METTL15: variants seen among roughly 807,000 people sequenced by gnomAD.
The protein encoded by METTL15 is 12S rRNA N(4)-cytidine methyltransferase METTL15.
In METTL15, 34 loss-of-function variants were observed where a neutral mutation model predicts 38.3. The observed-to-expected ratio is 0.89, with a 90% CI of 0.68 to 1.18. The LOEUF (loss-of-function observed/expected upper bound fraction) is 1.18, where lower values mean the gene tolerates loss of function less well. METTL15 is among the 50% of genes most tolerant of loss of function. The pLI, the probability that METTL15 is intolerant of heterozygous loss-of-function variation, is 0.00. For missense variants in METTL15, 438 were observed against 498.4 expected (o/e 0.88, Z 1.15); for synonymous variants, 162 against 170.9 (o/e 0.95, Z 0.41).
intron 4 of METTL15, among the ~76,000 whole-genome samples, chr11:28,212,926 G>C (rs1414356563): frequency 6.6e-6 from 1 of 152,074 alleles, no homozygotes; most frequent in East Asian, 1.9e-4. Flanking sequence ...CTCAAATGTA[G>C]CTTAAAGTTT....
chr11:28,170,400 G>A (rs1033781317), intron 3 of METTL15, among the ~76,000 whole-genome samples: 24 of 152,124 alleles, frequency 1.6e-4, no homozygotes, highest in African/African-American at 5.8e-4. Flanking sequence ...GACCCCAAGA[G>A]AGGGTTCTTG....
At chr11:28,165,340 C>CT (rs1246784964) in intron 3 of METTL15, among the ~76,000 whole-genome samples, 5 of 152,020 alleles carry the variant, frequency 3.3e-5, no homozygotes, top group Non-Finnish European at 5.9e-5. Context: ...CTCGAAAACA[C>CT]TTGTGTTATT....
At chr11:28,278,399 T>C (rs1048575624) in intron 4 of METTL15, among the ~76,000 whole-genome samples, 1 of 152,216 alleles carries the variant, frequency 6.6e-6, no homozygotes, top group African/African-American at 2.4e-5. Flanking sequence ...TTCTTATTCA[T>C]TTTCTAATCT....
intron 5 of METTL15, among the ~76,000 whole-genome samples, chr11:28,397,073 T>A (rs1034982723): frequency 6.6e-6 from 1 of 151,958 alleles, no homozygotes; most frequent in Non-Finnish European, 1.5e-5. Context: ...TTCCTTACAC[T>A]TTATACAAAA....
chr11:28,139,306 A>G (rs1358273791), intron 3 of METTL15, among the ~76,000 whole-genome samples: 3 of 152,152 alleles, frequency 2.0e-5, no homozygotes, highest in Non-Finnish European at 4.4e-5. Flanking sequence ...AGAGAAATAC[A>G]GACTGAAGAT....
downstream of METTL15, among the ~76,000 whole-genome samples, chr11:28,530,392 A>C (rs1851837796): frequency 6.6e-6 from 1 of 152,162 alleles, no homozygotes; most frequent in African/African-American, 2.4e-5. Flanking sequence ...AATGCAGAGT[A>C]TCTGGTTATT....
intron 4 of METTL15, among the ~76,000 whole-genome samples, chr11:28,285,378 A>G (rs1194698287): frequency 7.1e-6 from 1 of 139,990 alleles, no homozygotes; most frequent in Non-Finnish European, 1.5e-5. Context: ...TTTTTTTTTT[A>G]GCTCATTAGT....
At chr11:28,305,203 G>A (rs1376802601) in intron 6 of METTL15, among the ~76,000 whole-genome samples, 1 of 152,006 alleles carries the variant, frequency 6.6e-6, no homozygotes, top group African/African-American at 2.4e-5. Context: ...AGAAGGGAAT[G>A]GAATGTGGAA....
At chr11:28,380,583 TTTTC>T (rs1259015313) in intron 5 of METTL15, among the ~76,000 whole-genome samples, 1 of 152,198 alleles carries the variant, frequency 6.6e-6, no homozygotes, top group Admixed American at 6.6e-5. Context: ...TGGATAAGTA[TTTTC>T]TCTAGCAGCA....
chr11:28,271,027 G>T (rs1855619190), intron 4 of METTL15, among the ~76,000 whole-genome samples: 1 of 152,080 alleles, frequency 6.6e-6, no homozygotes, highest in Non-Finnish European at 1.5e-5. Context: ...CACATAGTAA[G>T]GGTTCAATAA....
At chr11:28,425,569 C>T (rs1432288191) in intron 6 of METTL15, among the ~76,000 whole-genome samples, 2 of 152,094 alleles carry the variant, frequency 1.3e-5, no homozygotes, top group Non-Finnish European at 2.9e-5. Flanking sequence ...CTTTTATGAC[C>T]TCTAATCGTT....
intron 3 of METTL15, among the ~76,000 whole-genome samples, chr11:28,119,820 A>G (rs1852134051): frequency 6.6e-6 from 1 of 152,196 alleles, no homozygotes; most frequent in Admixed American, 6.5e-5. Context: ...AGAGAAAAAT[A>G]CTAAAACTGT....
chr11:28,298,418 C>T (rs117834409), intron 6 of METTL15, among the ~76,000 whole-genome samples: 1,597 of 152,146 alleles, frequency 0.01, 17 homozygotes, highest in Middle Eastern at 0.017. Flanking sequence ...CAGCAAACCT[C>T]ATCTGATTAC....
At chr11:28,115,935 T>TACACACACACACACACACACACATAC (rs1851930698) in intron 3 of METTL15, among the ~76,000 whole-genome samples, 1 of 142,356 alleles carries the variant, frequency 7.0e-6, no homozygotes, top group Non-Finnish European at 1.5e-5. Context: ...CACATACACA[T>TACACACACACACACACACACACATAC]ACACACACAC....
intron 6 of METTL15, among the ~76,000 whole-genome samples, chr11:28,523,440 A>G (rs191946874): frequency 3.6e-4 from 55 of 152,350 alleles, no homozygotes; most frequent in Admixed American, 2.7e-3. Context: ...AAATGGCAGA[A>G]CGACATATTG....
chr11:28,196,473 A>G (rs953719627), intron 3 of METTL15, among the ~76,000 whole-genome samples: 2 of 151,888 alleles, frequency 1.3e-5, no homozygotes, highest in Non-Finnish European at 2.9e-5. Flanking sequence ...GCTCTTGTAA[A>G]AGGGATTGAG....
At chr11:28,395,604 A>G (rs187832427) in intron 5 of METTL15, among the ~76,000 whole-genome samples, 12 of 152,156 alleles carry the variant, frequency 7.9e-5, no homozygotes, top group African/African-American at 1.7e-4. Context: ...AATAGAGGCA[A>G]TAGCCTACCA....
intron 4 of METTL15, among the ~76,000 whole-genome samples, chr11:28,217,719 T>C (rs1223942145): frequency 3.9e-5 from 6 of 152,190 alleles, no homozygotes; most frequent in Admixed American, 3.9e-4. Flanking sequence ...TTAATCCATT[T>C]GGAATTAATT....
chr11:28,259,133 C>T (rs1490414681), intron 4 of METTL15, among the ~76,000 whole-genome samples: 2 of 152,020 alleles, frequency 1.3e-5, no homozygotes, highest in African/African-American at 2.4e-5. Context: ...CCTAAGGCAG[C>T]GGGTTCCCTT....
Sources: gnomAD v4.1 joint callset for allele counts (sites outside exome capture counted in the v4.1 genomes callset) on GRCh38, gnomAD v4.1.1 for gene constraint, MANE v1.5 for transcripts, NCBI Gene and HGNC (gene_info 2026-07-23, HGNC 2026-07-21) for gene names.